SLCO6A1: variants seen among roughly 807,000 people sequenced by gnomAD.
SLCO6A1 encodes cancer/testis antigen 48.
In SLCO6A1, 65 loss-of-function variants were observed where a neutral mutation model predicts 72.7. That is an observed-to-expected ratio of 0.89 (90% confidence interval 0.73 to 1.10). The LOEUF is 1.10. Among genes scored for constraint, SLCO6A1 ranks in the 50% least tolerant of loss-of-function variants. The pLI is 0.00. For missense variants in SLCO6A1, 874 were observed against 872.6 expected (o/e 1.00, Z -0.02); for synonymous variants, 314 against 298.2 (o/e 1.05, Z -0.55).
At chr5:102,444,794 C>G (rs1750020584) in intron 6 of SLCO6A1, among the ~76,000 whole-genome samples, 3 of 152,112 alleles carry the variant, frequency 2.0e-5, no homozygotes, top group Admixed American at 2.0e-4. Context: ...AGGTTTGTTA[C>G]ATGGGTAAAT....
intron 4 of SLCO6A1, among the ~76,000 whole-genome samples, chr5:102,461,086 T>C (rs1442534301): frequency 6.6e-6 from 1 of 151,588 alleles, no homozygotes; most frequent in Non-Finnish European, 1.5e-5. Flanking sequence ...ATATACATTA[T>C]ATTACATGTG....
intron 7 of SLCO6A1, among the ~76,000 whole-genome samples, chr5:102,430,643 A>G (rs1429455486): frequency 1.3e-5 from 2 of 152,148 alleles, no homozygotes; most frequent in Admixed American, 1.3e-4. Context: ...TTACAGGGAT[A>G]AAACCTACTT....
chr5:102,424,882 C>A (rs747989529), intron 7 of SLCO6A1, among the ~76,000 whole-genome samples: 2 of 152,080 alleles, frequency 1.3e-5, no homozygotes, highest in African/African-American at 4.8e-5. Flanking sequence ...AAAATACTGG[C>A]AAACCGAATC....
chr5:102,409,390 G>A (rs1236405627), intron 9 of SLCO6A1, among the ~76,000 whole-genome samples: 8 of 152,028 alleles, frequency 5.3e-5, no homozygotes, highest in Non-Finnish European at 1.0e-4. Flanking sequence ...TATTTTCATT[G>A]AGAAAATATT....
At chr5:102,432,737 A>G (rs1395844206) in intron 7 of SLCO6A1, among the ~76,000 whole-genome samples, 1 of 152,118 alleles carries the variant, frequency 6.6e-6, no homozygotes, top group African/African-American at 2.4e-5. Context: ...GGAGAATCCT[A>G]TGATTATGTC....
chr5:102,398,626 T>C (rs778189831), intron 10 of SLCO6A1, among the ~76,000 whole-genome samples: 5 of 152,174 alleles, frequency 3.3e-5, no homozygotes, highest in Non-Finnish European at 5.9e-5. Context: ...CCCAGGTGTG[T>C]ACACAGAATA....
At chr5:102,453,195 C>A (rs997435095) in intron 6 of SLCO6A1, among the ~76,000 whole-genome samples, 8 of 151,952 alleles carry the variant, frequency 5.3e-5, no homozygotes, top group Non-Finnish European at 8.8e-5. Flanking sequence ...GATTTCTCTA[C>A]ATAAAATTTA....
In SLCO6A1 at chr5:102,481,521, C is replaced by G. The variant is rs546366954; in HGVS notation, c.359-1087G>C. On this transcript the variant is annotated intron_variant, in intron 1 of 13. Coordinates refer to ENST00000506729, the MANE Select transcript of SLCO6A1 (RefSeq NM_173488.5). ...GTCGAAGTCAGCTGGGCCCCAGCAA[C>G]TCTGGGAATTGTGGTTTCAGACTTC... Among the ~76,000 whole-genome samples the G allele has an allele frequency of 2.0e-5, 3 of 152,196 alleles. No individual in the cohort carries two copies. The South Asian group carries it at 6.2e-4, about 32-fold the overall frequency.
rs60973292 is a variant in SLCO6A1, at chr5:102,460,899, CATATATATATATAT to C, written c.900-1136_900-1123del. On this transcript the variant is annotated intron_variant, in intron 4 of 13. Coordinates refer to ENST00000506729, the MANE Select transcript of SLCO6A1 (RefSeq NM_173488.5). ...CTTGATTGTCATTACCCACTTATCTCATATATATATATATATATATATATATATATATATATATA... is the reference window on the plus strand; with the variant it reads ...CTTGATTGTCATTACCCACTTATCTCATATATATATATATATATATATATA... Among the ~76,000 whole-genome samples the C allele has an allele frequency of 5.3e-3, 691 of 129,754 alleles. 2 individuals are homozygous for C. Among genetic ancestry groups the C allele is most frequent in the African/African-American group, 8.3e-3 (296 of 35,514 alleles). The allele number at this position is 129,754 out of a possible 152,430, so 85.1% of individuals were successfully genotyped here.
Position 102,472,059 on chromosome 5 carries a change from A to G in SLCO6A1, c.899+3638T>C, listed in dbSNP as rs148276374. Among the ~76,000 whole-genome samples the G allele has an allele frequency of 8.2e-3, 1,253 of 152,180 alleles. 12 individuals carry two copies. The highest frequency in any genetic ancestry group is 0.015 in the Non-Finnish European group (1,005 of 67,984). ...AGCTTCCCCTGCCTTCTCATCTGCC[A>G]ATGACTCTCAGTGGCAAAACCCAAG... is the stretch of plus-strand genomic sequence containing the variant. On this transcript the variant is annotated intron_variant, in intron 4 of 13. Coordinates refer to ENST00000506729, the MANE Select transcript of SLCO6A1 (RefSeq NM_173488.5).
At chr5:102,471,014 A>G (rs1580488394) in intron 4 of SLCO6A1, among the ~76,000 whole-genome samples, 2 of 152,022 alleles carry the variant, frequency 1.3e-5, no homozygotes, top group South Asian at 2.1e-4. Context: ...TAGGCGGTGG[A>G]GTTAGCTTTG....
At chr5:102,373,657 T>C (rs1178518865) in intron 12 of SLCO6A1, among the ~76,000 whole-genome samples, 163 bp from the exon 13 acceptor site, 1 of 149,974 alleles carries the variant, frequency 6.7e-6, no homozygotes, top group East Asian at 1.9e-4. Context: ...ATTAAGTTAC[T>C]TAAAGGAGAT....
intron 10 of SLCO6A1, among the ~76,000 whole-genome samples, chr5:102,393,086 T>A (rs957480307): frequency 3.3e-5 from 5 of 152,258 alleles, no homozygotes; most frequent in African/African-American, 9.6e-5. Flanking sequence ...TCTCTTTTTT[T>A]ATCTCTAATA....
intron 12 of SLCO6A1, among the ~76,000 whole-genome samples, chr5:102,382,895 G>GTATGTATGAATGTA (rs1746187939): frequency 6.7e-6 from 1 of 149,722 alleles, no homozygotes. Flanking sequence ...ATACATATAT[G>GTATGTATGAATGTA]TGTGTTCGTA....
intron 12 of SLCO6A1, among the ~76,000 whole-genome samples, chr5:102,378,789 G>A (rs1302377100): frequency 6.6e-6 from 1 of 151,758 alleles, no homozygotes; most frequent in Non-Finnish European, 1.5e-5. Context: ...GTTTGTTTGT[G>A]GTTTTTTTTG....
chr5:102,487,927 G>T (rs1357988266), intron 1 of SLCO6A1, among the ~76,000 whole-genome samples: 1 of 152,102 alleles, frequency 6.6e-6, no homozygotes, highest in Non-Finnish European at 1.5e-5. Flanking sequence ...CAAGACCAAG[G>T]CAGAATCTAA....
chr5:102,391,276 A>C lies in SLCO6A1; in HGVS notation c.1815-231T>G. The C allele has an allele frequency of 1.1e-5, 5 of 465,406 alleles. No individual in the cohort carries two copies. In the South Asian group the frequency reaches 1.5e-4, roughly 14 times the overall value. 28.8% of individuals were successfully genotyped at this position (465,406 alleles called of 1,614,324 possible). ...AGGTCCTTAGTCTTCCCAAAGAAGAAGGTTTTTATGGCCCAAATCCTCTTC... is the reference window on the plus strand; with the variant it reads ...AGGTCCTTAGTCTTCCCAAAGAAGACGGTTTTTATGGCCCAAATCCTCTTC... On this transcript the variant is annotated intron_variant, in intron 10 of 13. Coordinates refer to ENST00000506729, the MANE Select transcript of SLCO6A1 (RefSeq NM_173488.5).
At chr5:102,397,103 A>G (rs1747129692) in intron 10 of SLCO6A1, among the ~76,000 whole-genome samples, 1 of 152,100 alleles carries the variant, frequency 6.6e-6, no homozygotes, top group African/African-American at 2.4e-5. Flanking sequence ...TTCATTTTTT[A>G]AGTTTAAACT....
At chr5:102,388,551 T>G (rs969562878) in intron 12 of SLCO6A1, 137 bp downstream of exon 12, 2 of 574,310 alleles carry the variant, frequency 3.5e-6, no homozygotes, top group African/African-American at 3.9e-5. Flanking sequence ...GTCTCTATTT[T>G]GCAGGTTAAG....
Sources: allele counts gnomAD v4.1 joint callset (sites outside exome capture counted in the v4.1 genomes callset), GRCh38; gene constraint gnomAD v4.1.1; transcripts MANE v1.5; gene names NCBI Gene and HGNC (gene_info 2026-07-23, HGNC 2026-07-21).